The following HTATIP2 variants were observed in gnomAD, a reference collection of about 807,000 sequenced individuals.
The protein encoded by HTATIP2 is protein HTATIP2.
A neutral mutation model predicts 24.7 loss-of-function variants in HTATIP2; 26 were observed. That is an observed-to-expected ratio of 1.05 (90% CI 0.77 to 1.46). The LOEUF (loss-of-function observed/expected upper bound fraction) is 1.46, where lower values mean the gene tolerates loss of function less well. Ranked by LOEUF, HTATIP2 falls within the 40% of genes most tolerant of loss-of-function variation. The probability of loss-of-function intolerance (pLI) is 0.00; values close to 1 mark genes in which losing one functional copy is unlikely to be tolerated. For synonymous variants in HTATIP2, 99 were observed against 113.2 expected (o/e 0.87, Z 0.79); for missense variants, 284 against 289.6 (o/e 0.98, Z 0.14).
At chr11:20,364,693 T>C (rs999177557) in intron 1 of HTATIP2, among the ~76,000 whole-genome samples, 19 of 152,132 alleles carry the variant, frequency 1.2e-4, no homozygotes, top group African/African-American at 4.3e-4. Flanking sequence ...TGGGTCTGGG[T>C]TGTAATGGGG....
In HTATIP2 at chr11:20,383,435, A is replaced by G. The variant is rs1848552182; in HGVS notation, c.*230A>G. 2.1e-6 allele frequency: 1 copy of G among 486,206 alleles called. No homozygotes were observed. Among genetic ancestry groups the G allele is most frequent in the Non-Finnish European group, 3.6e-6 (1 of 276,324 alleles). The allele number at this position is 486,206 out of a possible 1,614,324, so 30.1% of individuals were successfully genotyped here. A position where few individuals can be genotyped will look rare whatever the true frequency, so the allele number is the denominator to read the frequency against. ...TAAAGATTTGTCAGCCCTATCTCAA[A>G]CTTGAATCAAAATTTCTGGGGTGTG... On this transcript the variant is annotated 3_prime_UTR_variant, in exon 5 of 5. Coordinates refer to ENST00000451739, the MANE Select transcript of HTATIP2 (RefSeq NM_001098522.2).
At chr11:20,378,716 C>T (rs16906178) in intron 3 of HTATIP2, among the ~76,000 whole-genome samples, 16,997 of 152,086 alleles carry the variant, frequency 0.11, 1,526 homozygotes, top group African/African-American at 0.23. Flanking sequence ...TGTGCATTTG[C>T]GTGGAAACAG....
chr11:20,364,026 G>A lies in HTATIP2; in HGVS notation c.-212G>A. 1 of 1,306,236 alleles carries A rather than the reference G, an allele frequency of 7.7e-7. No homozygotes were observed. Among genetic ancestry groups the A allele is most frequent in the South Asian group, 2.4e-5 (1 of 41,636 alleles). The allele number at this position is 1,306,236 out of a possible 1,614,324, so 80.9% of individuals were successfully genotyped here. ...TTGTGGCACCTGGGCGCACCCTCCAGCTCGGGCCCCTTCCGATGGGTCTGC... is the reference window on the plus strand; with the variant it reads ...TTGTGGCACCTGGGCGCACCCTCCAACTCGGGCCCCTTCCGATGGGTCTGC... On this transcript the variant is annotated 5_prime_UTR_variant, in exon 1 of 5. Coordinates refer to ENST00000451739, the MANE Select transcript of HTATIP2 (RefSeq NM_001098522.2).
rs752284516 is a variant in HTATIP2, at chr11:20,382,995, T to C, written c.519T>C (p.Asp173=). 2 of 1,612,754 alleles carry C rather than the reference T, an allele frequency of 1.2e-6. No homozygotes were observed. Among genetic ancestry groups the C allele is most frequent in the Non-Finnish European group, 1.7e-6 (2 of 1,179,384 alleles). The change falls in exon 5 of 5, where the codon GAT becomes GAC. Residue 173 remains aspartate (D), a synonymous_variant. Transcript: ENST00000451739. ...TTTATTTTAGAGTTCTGTTATGTGA[T>C]AGGCAAGAATCTCGCCCAGGTGAAT... ...SVFRPGVLLC[D]RQESRPGEWL...
chr11:20,364,516 C>A, intron 1 of HTATIP2, 84 bp downstream of exon 1: 2 of 1,221,914 alleles, frequency 1.6e-6, no homozygotes, highest in East Asian at 2.5e-5. Context: ...GAATACTGCC[C>A]TGCCAGTGGT....
Position 20,364,313 on chromosome 11 carries a change from G to T in HTATIP2, c.76G>T (p.Ala26Ser), listed in dbSNP as rs751151798. ...GAATAAATCCGTCTTTATTTTGGGC[G>T]CCAGCGGAGAAACCGGCAGAGTGCT... The part of the protein sequence containing the change: ...MQNKSVFILG[A>S]SGETGRVLLK... The change falls in exon 1 of 5, where the codon GCC becomes TCC. Residue 26 changes from alanine (A) to serine (S), a missense_variant. Coordinates refer to ENST00000451739, the MANE Select transcript of HTATIP2 (RefSeq NM_001098522.2). 4 of 1,613,702 alleles carry T rather than the reference G, an allele frequency of 2.5e-6. No individual in the cohort carries two copies. The East Asian group carries it at 6.7e-5, about 27-fold the overall frequency.
At chr11:20,368,022 T>C (rs1014067984) in intron 2 of HTATIP2, among the ~76,000 whole-genome samples, 2 of 152,066 alleles carry the variant, frequency 1.3e-5, no homozygotes, top group African/African-American at 2.4e-5. Flanking sequence ...ATGCTGGAGC[T>C]GAAAAAACCT....
At chr11:20,381,001 G>A (rs1848513348) in intron 3 of HTATIP2, among the ~76,000 whole-genome samples, 1 of 152,108 alleles carries the variant, frequency 6.6e-6, no homozygotes, top group African/African-American at 2.4e-5. Flanking sequence ...GTACATTAGT[G>A]GTTGACTAGG....
At position 20,383,134 on chromosome 11, in the gene HTATIP2, A is replaced by G; in HGVS notation, c.658A>G (p.Lys220Glu). 2.5e-6 allele frequency: 4 copies of G among 1,614,010 alleles called. No individual in the cohort carries two copies. Among genetic ancestry groups the G allele is most frequent in the Non-Finnish European group, 3.4e-6 (4 of 1,179,990 alleles). ...GAACAATGTGGTGAGACCAAGAGACAAGCAGATGGAACTGCTGGAGAACAA... is the reference window on the plus strand; with the variant it reads ...GAACAATGTGGTGAGACCAAGAGACGAGCAGATGGAACTGCTGGAGAACAA... The part of the protein sequence containing the change: ...MLNNVVRPRD[K>E]QMELLENKAI... The change falls in exon 5 of 5, where the codon AAG (lysine) becomes GAG (glutamate). Residue 220 changes from lysine (K) to glutamate (E), a missense_variant. Physicochemically the swap from Lys to Glu is moderately conservative, Grantham distance 56 (BLOSUM62 1). Transcript: ENST00000451739.
At chr11:20,374,645 T>A (rs551628333) in intron 2 of HTATIP2, among the ~76,000 whole-genome samples, 1 of 152,214 alleles carries the variant, frequency 6.6e-6, no homozygotes, top group African/African-American at 2.4e-5. Context: ...TGGGCCCACA[T>A]GGATAATTCA....
chr11:20,378,961 C>T (rs193137168), intron 3 of HTATIP2, among the ~76,000 whole-genome samples: 1 of 152,182 alleles, frequency 6.6e-6, no homozygotes, highest in Non-Finnish European at 1.5e-5. Context: ...TGCATGAACC[C>T]GGGAAGCAGA....
chr11:20,374,088 G>A (rs573167999), intron 2 of HTATIP2, among the ~76,000 whole-genome samples: 13 of 152,326 alleles, frequency 8.5e-5, no homozygotes, highest in African/African-American at 2.4e-4. Flanking sequence ...CCTCCAGGTG[G>A]TGGATATAGT....
At chr11:20,371,811 T>G (rs2064775480) in intron 2 of HTATIP2, among the ~76,000 whole-genome samples, 1 of 152,172 alleles carries the variant, frequency 6.6e-6, no homozygotes, top group Non-Finnish European at 1.5e-5. Context: ...ACATATAGAT[T>G]GACCCAGGAA....
intron 1 of HTATIP2, among the ~76,000 whole-genome samples, chr11:20,366,948 T>C (rs1351764976): frequency 6.6e-6 from 1 of 152,232 alleles, no homozygotes; most frequent in Non-Finnish European, 1.5e-5. Flanking sequence ...TTCAGAAATC[T>C]GGATCACCCC....
chr11:20,373,900 A>G (rs1340585937), intron 2 of HTATIP2, among the ~76,000 whole-genome samples: 1 of 152,206 alleles, frequency 6.6e-6, no homozygotes, highest in Non-Finnish European at 1.5e-5. Flanking sequence ...TTTAAAAGCA[A>G]CTGCATGAAT....
At chr11:20,375,379 C>G (rs1234396975) in intron 2 of HTATIP2, among the ~76,000 whole-genome samples, 1 of 152,180 alleles carries the variant, frequency 6.6e-6, no homozygotes, top group African/African-American at 2.4e-5. Flanking sequence ...CAAGACCAGC[C>G]TCGCTAACGT....
intron 1 of HTATIP2, 137 bp downstream of exon 1, chr11:20,364,569 G>A: frequency 1.4e-6 from 1 of 689,684 alleles, no homozygotes; most frequent in Non-Finnish European, 2.4e-6. Context: ...AGATTGGTCT[G>A]TGAGAGTCCC....
chr11:20,364,908 T>TA (rs1459074182), intron 1 of HTATIP2, among the ~76,000 whole-genome samples: 3 of 152,130 alleles, frequency 2.0e-5, no homozygotes, highest in Non-Finnish European at 4.4e-5. Context: ...ATTATTCACT[T>TA]ACAAGAATTT....
intron 2 of HTATIP2, among the ~76,000 whole-genome samples, chr11:20,371,298 C>G (rs1324703084): frequency 2.0e-5 from 3 of 152,144 alleles, no homozygotes; most frequent in African/African-American, 7.2e-5. Flanking sequence ...GTTTGGTTGC[C>G]AAGTAGCTAT....
Sources: gnomAD v4.1 joint callset for allele counts (sites outside exome capture counted in the v4.1 genomes callset) on GRCh38, gnomAD v4.1.1 for gene constraint, MANE v1.5 for transcripts, NCBI Gene and HGNC (gene_info 2026-07-23, HGNC 2026-07-21) for gene names.